RPP14: variants seen among roughly 807,000 people sequenced by gnomAD.
The protein encoded by RPP14 is ribonuclease P protein subunit p14.
RPP14 carries 19 observed loss-of-function variants against 17.8 expected under a neutral mutation model. That is an observed-to-expected ratio of 1.07 (90% CI 0.74 to 1.57). The LOEUF (loss-of-function observed/expected upper bound fraction) is 1.57. Ranked by LOEUF, RPP14 falls within the 40% of genes most tolerant of loss-of-function variation. The probability of loss-of-function intolerance (pLI) is 0.00; values close to 1 mark genes in which losing one functional copy is unlikely to be tolerated. For missense variants in RPP14, 125 were observed against 140.8 expected, an observed-to-expected ratio of 0.89 and a Z score of 0.57; for synonymous variants, 60 against 56.4, an observed-to-expected ratio of 1.06 and a Z score of -0.29.
In RPP14 at chr3:58,317,693, C is replaced by A. The variant is rs1378956433; in HGVS notation, c.*197C>A. On this transcript the variant is annotated 3_prime_UTR_variant, in exon 6 of 6. Coordinates refer to ENST00000295959, the MANE Select transcript of RPP14 (RefSeq NM_007042.6). ...GTCTGTCTGAACCTGCCAGTGCTGA[C>A]CCTGCAGCACTTTCAGCATATGCAC... 5 of 704,580 alleles carry A rather than the reference C, an allele frequency of 7.1e-6. No individual in the cohort carries two copies. The East Asian group carries it at 1.1e-4, about 15-fold the overall frequency. The allele number at this position is 704,580 out of a possible 1,614,324, so 43.6% of individuals were successfully genotyped here.
intron 3 of RPP14, among the ~76,000 whole-genome samples, chr3:58,313,689 G>C (rs911125129): frequency 1.2e-4 from 19 of 152,166 alleles, no homozygotes; most frequent in African/African-American, 4.6e-4. Context: ...GCTGGGTGTG[G>C]TGGTGTGCAC....
At chr3:58,316,702 C>A in intron 4 of RPP14, 111 bp downstream of exon 4, 1 of 1,055,474 alleles carries the variant, frequency 9.5e-7, no homozygotes, top group Non-Finnish European at 1.4e-6. Context: ...CTCTGAGCAG[C>A]TTTTGGGAAT....
chr3:58,307,134 A>G (rs1209393935), intron 1 of RPP14, among the ~76,000 whole-genome samples: 1 of 152,202 alleles, frequency 6.6e-6, no homozygotes, highest in Non-Finnish European at 1.5e-5. Flanking sequence ...GAGCTAGGCT[A>G]GGCCTGTGTG....
chr3:58,309,198 A>T (rs1280397010), intron 1 of RPP14, among the ~76,000 whole-genome samples: 1 of 152,184 alleles, frequency 6.6e-6, no homozygotes, highest in Non-Finnish European at 1.5e-5. Context: ...CAAGAAGAGG[A>T]CCTTCAAATC....
At chr3:58,313,029 C>T (rs552407748) in intron 3 of RPP14, among the ~76,000 whole-genome samples, 5 of 149,484 alleles carry the variant, frequency 3.3e-5, no homozygotes, top group Non-Finnish European at 4.4e-5. Context: ...TTTGGGAGGC[C>T]AAGGCAGGCA....
rs1016662838 is a variant in RPP14 at position 58,320,104 on chromosome 3, G to C, written c.*2608G>C. On this transcript the variant is annotated 3_prime_UTR_variant, in exon 6 of 6. Transcript: ENST00000295959. ...CTTTGGAACTGGCTTCTTTGATATA[G>C]CATGTTTTCAGGGTTCATCCATGTT... is the stretch of plus-strand genomic sequence containing the variant. The C allele has an allele frequency of 6.6e-6, 1 of 151,962 alleles. No homozygotes were observed. Among genetic ancestry groups the C allele is most frequent in the Admixed American group, 6.6e-5 (1 of 15,262 alleles). 9.4% of individuals were successfully genotyped at this position (151,962 alleles called of 1,614,324 possible).
At position 58,316,934 on chromosome 3, in the gene RPP14, A is replaced by T; in HGVS notation, c.259A>T (p.Ser87Cys). 1 of 1,613,786 alleles carries T rather than the reference A, an allele frequency of 6.2e-7. No individual in the cohort carries two copies. Among genetic ancestry groups the T allele is most frequent in the Non-Finnish European group, 8.5e-7 (1 of 1,179,766 alleles). Residue 87 changes from serine (S) to cysteine (C), a missense_variant, in exon 5 of 6, where the codon AGC becomes TGC. By Grantham distance (112) the Ser-to-Cys change is moderately radical. Coordinates refer to ENST00000295959, the MANE Select transcript of RPP14 (RefSeq NM_007042.6). ...ICSSGLVKLW[S>C]SLTLLGSYKG... Reference sequence around the variant, plus strand: ...CTGCAGTGGTCTTGTCAAATTGTGGAGCTCTTTGACCCTGTTAGGATCCTA... The same window carrying T: ...CTGCAGTGGTCTTGTCAAATTGTGGTGCTCTTTGACCCTGTTAGGATCCTA...
Position 58,310,480 on chromosome 3 carries a change from GACTTTTTTTTTTTTC to G in RPP14, c.78-17_78-3del. 5 of 1,515,634 alleles carry G rather than the reference GACTTTTTTTTTTTTC, an allele frequency of 3.3e-6. No homozygotes were observed. The East Asian group carries it at 1.2e-4, about 37-fold the overall frequency. The allele number at this position is 1,515,634 out of a possible 1,614,324, so 93.9% of individuals were successfully genotyped here. On this transcript the variant is annotated splice_polypyrimidine_tract_variant and intron_variant, in intron 2 of 5. Coordinates refer to ENST00000295959, the MANE Select transcript of RPP14 (RefSeq NM_007042.6). ...ATCTGAATAGAATGAAATTTAATAT[GACTTTTTTTTTTTTC>G]ACTTTTTTTAGAGAATTTCAAGATT... is the stretch of plus-strand genomic sequence containing the variant.
chr3:58,309,783 T>C (rs894547057), intron 1 of RPP14, among the ~76,000 whole-genome samples: 1 of 152,000 alleles, frequency 6.6e-6, no homozygotes, highest in Non-Finnish European at 1.5e-5. Flanking sequence ...TCCCAGCTAC[T>C]CGGGAGGCTG....
chr3:58,313,248 G>A (rs1350767897), intron 3 of RPP14, among the ~76,000 whole-genome samples: 1 of 152,124 alleles, frequency 6.6e-6, no homozygotes, highest in East Asian at 1.9e-4. Context: ...GACAGAGCGA[G>A]ACTCGGTCTC....
intron 1 of RPP14, 149 bp from the exon 2 acceptor site, chr3:58,310,156 CTGAT>C (rs1472726111): frequency 1.7e-6 from 1 of 605,548 alleles, no homozygotes; most frequent in Non-Finnish European, 2.9e-6. Flanking sequence ...GCAGTGAACT[CTGAT>C]TGTACCACTG....
chr3:58,317,858 T>C lies in RPP14; in HGVS notation c.*362T>C. On this transcript the variant is annotated 3_prime_UTR_variant, in exon 6 of 6. Coordinates refer to ENST00000295959, the MANE Select transcript of RPP14 (RefSeq NM_007042.6). ...AAACACACCAAGTTTGGAAATACAA[T>C]TGTACATGGAGTTTTGATCAACGGA... 1.4e-6 allele frequency: 1 copy of C among 703,010 alleles called. No homozygotes were observed. The highest frequency in any genetic ancestry group is 2.6e-6 in the Non-Finnish European group (1 of 385,006). 43.5% of individuals were successfully genotyped at this position (703,010 alleles called of 1,614,324 possible).
chr3:58,308,479 G>A (rs918628718), intron 1 of RPP14, among the ~76,000 whole-genome samples: 2 of 151,002 alleles, frequency 1.3e-5, no homozygotes, highest in Non-Finnish European at 2.9e-5. Flanking sequence ...TTTTTTTAGT[G>A]ACAGGGTCTC....
At position 58,318,175 on chromosome 3, in the gene RPP14, A is replaced by G. The variant is rs1046523406; in HGVS notation, c.*679A>G. ...CACCAATGCTGTTGTTAAAGAGCCT[A>G]TGGGGAATTGCTGCTCTTTACCAAA... On this transcript the variant is annotated 3_prime_UTR_variant, in exon 6 of 6. Coordinates refer to ENST00000295959, the MANE Select transcript of RPP14 (RefSeq NM_007042.6). The G allele has an allele frequency of 1.2e-4, 70 of 606,720 alleles. No individual in the cohort carries two copies. Among genetic ancestry groups the G allele is most frequent in the Non-Finnish European group, 1.0e-4 (35 of 343,184 alleles). The allele number at this position is 606,720 out of a possible 1,614,324, so 37.6% of individuals were successfully genotyped here.
chr3:58,313,879 G>C (rs1364651268), intron 3 of RPP14, among the ~76,000 whole-genome samples: 1 of 152,198 alleles, frequency 6.6e-6, no homozygotes, highest in African/African-American at 2.4e-5. Context: ...AAGGACTATA[G>C]TGTCTAGAAT....
rs555105161 is a variant in RPP14 at position 58,318,563 on chromosome 3, T to G, written c.*1067T>G. The G allele has an allele frequency of 2.9e-4, 44 of 151,776 alleles. 1 individual carries two copies. In the South Asian group the frequency reaches 8.8e-3, roughly 30 times the overall value. The allele number at this position is 151,776 out of a possible 1,614,324, so 9.4% of individuals were successfully genotyped here. A position where few individuals can be genotyped will look rare whatever the true frequency, so the allele number is the denominator to read the frequency against. Reference sequence around the variant, plus strand: ...GACTTGGCCCTGTAGTCCCAGTTGCTTGGGAGGCTGAGGTGGGAGAATTGC... The same window carrying G: ...GACTTGGCCCTGTAGTCCCAGTTGCGTGGGAGGCTGAGGTGGGAGAATTGC... On this transcript the variant is annotated 3_prime_UTR_variant, in exon 6 of 6. Transcript: ENST00000295959.
intron 3 of RPP14, among the ~76,000 whole-genome samples, chr3:58,313,598 G>A (rs1187568979): frequency 6.6e-6 from 1 of 151,940 alleles, no homozygotes; most frequent in Non-Finnish European, 1.5e-5. Flanking sequence ...CCAAGCGGGT[G>A]GATCACTTGA....
At chr3:58,314,377 AAAG>A (rs1258885744) in intron 3 of RPP14, among the ~76,000 whole-genome samples, 5 of 152,192 alleles carry the variant, frequency 3.3e-5, no homozygotes, top group African/African-American at 1.2e-4. Flanking sequence ...TAATAATAAA[AAAG>A]AAGTATCAGA....
chr3:58,318,171 G>C lies in RPP14; in HGVS notation c.*675G>C. ...CAAACACCAATGCTGTTGTTAAAGA[G>C]CCTATGGGGAATTGCTGCTCTTTAC... is the stretch of plus-strand genomic sequence containing the variant. On this transcript the variant is annotated 3_prime_UTR_variant, in exon 6 of 6. Transcript: ENST00000295959. The C allele has an allele frequency of 1.6e-6, 1 of 607,480 alleles. No homozygotes were observed. The highest frequency in any genetic ancestry group is 2.9e-6 in the Non-Finnish European group (1 of 343,444). 37.6% of individuals were successfully genotyped at this position (607,480 alleles called of 1,614,324 possible).
Sources: allele counts gnomAD v4.1 joint callset (sites outside exome capture counted in the v4.1 genomes callset), GRCh38; gene constraint gnomAD v4.1.1; transcripts MANE v1.5; gene names NCBI Gene and HGNC (gene_info 2026-07-23, HGNC 2026-07-21).